NALF1: variants seen among roughly 807,000 people sequenced by gnomAD.
The protein encoded by NALF1 is family with sequence similarity 155 member A.
NALF1 carries 3 observed loss-of-function variants against 48.4 expected under a neutral mutation model. That is an observed-to-expected ratio of 0.06 (90% CI 0.03 to 0.16). The LOEUF (loss-of-function observed/expected upper bound fraction) is 0.16. NALF1 is among the 10% of genes least tolerant of loss of function. NALF1 has a pLI of 1.00. For missense variants in NALF1, 526 were observed against 571.5 expected (o/e 0.92, Z 0.81); for synonymous variants, 262 against 245.7 (o/e 1.07, Z -0.62).
intron 1 of NALF1, among the ~76,000 whole-genome samples, chr13:107,560,848 G>T (rs1297655224): frequency 2.0e-5 from 3 of 152,168 alleles, no homozygotes; most frequent in African/African-American, 4.8e-5. Context: ...AACTTTGTGT[G>T]TACAGGATAA....
intron 1 of NALF1, among the ~76,000 whole-genome samples, chr13:107,604,949 T>C (rs557984304): frequency 6.6e-6 from 1 of 152,314 alleles, no homozygotes; most frequent in Non-Finnish European, 1.5e-5. Flanking sequence ...CCCTATGGCA[T>C]GTGTTTTACA....
At chr13:107,602,566 G>A (rs1878959904) in intron 1 of NALF1, among the ~76,000 whole-genome samples, 1 of 152,162 alleles carries the variant, frequency 6.6e-6, no homozygotes, top group South Asian at 2.1e-4. Flanking sequence ...TTATATCATG[G>A]TGACATGGCT....
chr13:107,210,929 A>C (rs576748473), intron 1 of NALF1, among the ~76,000 whole-genome samples, 174 bp from the exon 2 acceptor site: 9 of 152,342 alleles, frequency 5.9e-5, no homozygotes, highest in Non-Finnish European at 4.4e-5. Flanking sequence ...CACAGCAACG[A>C]AAGTCTCCGC....
intron 1 of NALF1, among the ~76,000 whole-genome samples, chr13:107,245,992 T>C (rs7993272): frequency 0.34 from 50,934 of 151,772 alleles, 8,819 homozygotes; most frequent in East Asian, 0.52. Flanking sequence ...TCTCCACAAA[T>C]CAACTCATCT....
intron 1 of NALF1, among the ~76,000 whole-genome samples, chr13:107,712,517 A>C (rs1239774945): frequency 2.6e-5 from 4 of 152,228 alleles, no homozygotes; most frequent in Non-Finnish European, 5.9e-5. Flanking sequence ...ACAGAGATTA[A>C]TATAGAAGGT....
At chr13:107,817,133 T>C (rs1424568056) in intron 1 of NALF1, among the ~76,000 whole-genome samples, 2 of 152,160 alleles carry the variant, frequency 1.3e-5, no homozygotes, top group Non-Finnish European at 2.9e-5. Flanking sequence ...GAGGCAAATA[T>C]GTGATGAAAA....
At chr13:107,177,265 G>C (rs548096054) in intron 2 of NALF1, among the ~76,000 whole-genome samples, 30 of 152,136 alleles carry the variant, frequency 2.0e-4, no homozygotes, top group African/African-American at 7.0e-4. Flanking sequence ...GGAAGAATCA[G>C]TATTGTTAAA....
chr13:107,386,373 C>T (rs1883531043), intron 1 of NALF1, among the ~76,000 whole-genome samples: 1 of 152,166 alleles, frequency 6.6e-6, no homozygotes, highest in Admixed American at 6.5e-5. Context: ...TACATTTCTC[C>T]TTAAGTGAAC....
At chr13:107,410,649 A>C (rs1013526181) in intron 1 of NALF1, among the ~76,000 whole-genome samples, 2 of 152,156 alleles carry the variant, frequency 1.3e-5, no homozygotes, top group Admixed American at 6.5e-5. Flanking sequence ...AAGACTTTAA[A>C]GGTATCAGGA....
chr13:107,451,563 T>C (rs746975100), intron 1 of NALF1, among the ~76,000 whole-genome samples: 3 of 152,198 alleles, frequency 2.0e-5, no homozygotes, highest in African/African-American at 4.8e-5. Context: ...TCTGAATACA[T>C]GCTCCAGGTA....
chr13:107,447,199 T>C (rs529337464), intron 1 of NALF1, among the ~76,000 whole-genome samples: 1 of 152,140 alleles, frequency 6.6e-6, no homozygotes, highest in South Asian at 2.1e-4. Context: ...CCTTCTCTCC[T>C]TCTCCTTCTT....
At chr13:107,492,445 G>C (rs1875171639) in intron 1 of NALF1, among the ~76,000 whole-genome samples, 1 of 152,080 alleles carries the variant, frequency 6.6e-6, no homozygotes, top group African/African-American at 2.4e-5. Context: ...TTGTCCTCTT[G>C]TTGCCGCACA....
chr13:107,576,452 G>C (rs1423549028), intron 1 of NALF1, among the ~76,000 whole-genome samples: 1 of 152,166 alleles, frequency 6.6e-6, no homozygotes, highest in African/African-American at 2.4e-5. Context: ...AACTCTAAAG[G>C]GTGAGGGTGG....
chr13:107,434,358 A>C (rs1884430523), intron 1 of NALF1, among the ~76,000 whole-genome samples: 1 of 152,060 alleles, frequency 6.6e-6, no homozygotes. Flanking sequence ...CAGTAAGTGA[A>C]GTGGGATCTT....
At chr13:107,610,613 C>T (rs1394885712) in intron 1 of NALF1, among the ~76,000 whole-genome samples, 1 of 152,114 alleles carries the variant, frequency 6.6e-6, no homozygotes, top group African/African-American at 2.4e-5. Flanking sequence ...CCTCTGGATT[C>T]TCAATCATGG....
chr13:107,844,775 A>G (rs1393119413), intron 1 of NALF1, among the ~76,000 whole-genome samples: 1 of 152,206 alleles, frequency 6.6e-6, no homozygotes, highest in Admixed American at 6.6e-5. Flanking sequence ...CATGACTTTA[A>G]GAACCACACA....
intron 1 of NALF1, among the ~76,000 whole-genome samples, chr13:107,740,001 T>C (rs1876586565): frequency 6.6e-6 from 1 of 152,124 alleles, no homozygotes; most frequent in African/African-American, 2.4e-5. Flanking sequence ...TTCTACATTA[T>C]GGTGAGATCC....
intron 1 of NALF1, among the ~76,000 whole-genome samples, chr13:107,340,147 A>G (rs1882640379): frequency 6.7e-6 from 1 of 149,170 alleles, no homozygotes; most frequent in African/African-American, 2.5e-5. Flanking sequence ...GTGGTTGTAT[A>G]CATTCCTTTA....
At chr13:107,497,790 T>C (rs1328504789) in intron 1 of NALF1, among the ~76,000 whole-genome samples, 1 of 152,188 alleles carries the variant, frequency 6.6e-6, no homozygotes, top group Admixed American at 6.5e-5. Context: ...TTCATATGCT[T>C]ACAGCTCCTC....
Sources: allele counts gnomAD v4.1 joint callset (sites outside exome capture counted in the v4.1 genomes callset), GRCh38; gene constraint gnomAD v4.1.1; transcripts MANE v1.5; gene names NCBI Gene and HGNC (gene_info 2026-07-23, HGNC 2026-07-21).